The following CLPTM1 variants were observed in gnomAD, a reference collection of about 807,000 sequenced individuals.
The protein encoded by CLPTM1 is CLPTM1 regulator of GABA type A receptor forward trafficking.
A neutral mutation model predicts 77.3 loss-of-function variants in CLPTM1; 21 were observed. The ratio of observed to expected loss-of-function variants is 0.27; its 90% CI spans 0.19 to 0.39. The LOEUF (loss-of-function observed/expected upper bound fraction) is 0.39, where lower values mean the gene tolerates loss of function less well. Ranked by LOEUF, CLPTM1 falls within the 10% of genes least tolerant of loss-of-function variation. The pLI is 1.00. For synonymous variants in CLPTM1, 373 were observed against 381.0 expected (o/e 0.98, Z 0.24); for missense variants, 642 against 921.2 (o/e 0.70, Z 3.92).
In CLPTM1 at chr19:44,987,568, A is replaced by G. The variant is rs960720845; in HGVS notation, c.1038+145A>G. The G allele has an allele frequency of 9.5e-6, 11 of 1,152,900 alleles. No homozygotes were observed. In the African/African-American group the frequency reaches 1.4e-4, roughly 14 times the overall value. The allele number at this position is 1,152,900 out of a possible 1,614,324, so 71.4% of individuals were successfully genotyped here. Reference sequence around the variant, plus strand: ...TCACAACCTCCCAGGTCCCTTCTCCACAGTGAAAGGAAGTGGGCACCCAGC... The same window carrying G: ...TCACAACCTCCCAGGTCCCTTCTCCGCAGTGAAAGGAAGTGGGCACCCAGC... On this transcript the variant is annotated intron_variant, in intron 8 of 13. Coordinates refer to ENST00000337392, the MANE Select transcript of CLPTM1 (RefSeq NM_001294.4).
rs140584228 is a variant in CLPTM1 at position 44,992,812 on chromosome 19, C to T, written c.1925C>T (p.Pro642Leu). The change falls in exon 14 of 14, where the codon CCC becomes CTC. Residue 642 changes from proline to leucine, a missense_variant. Physicochemically the swap from Pro to Leu is moderately conservative, Grantham distance 98. This residue lies in a region of CLPTM1 where 521 missense variants were observed against 800.4 expected (regional missense o/e 0.65). Transcript: ENST00000337392. The surrounding 1 kb of genome is among the most constrained non-coding windows in gnomAD (Gnocchi z 7.7). ...ATREEASTSLPTKPTQGASSA... is the reference protein window; with the variant it reads ...ATREEASTSLLTKPTQGASSA... ...AGGGAGGAGGCCTCCACGTCCCTGCCCACCAAGCCCACCCAGGGGGCCAGC... is the reference window on the plus strand; with the variant it reads ...AGGGAGGAGGCCTCCACGTCCCTGCTCACCAAGCCCACCCAGGGGGCCAGC... The T allele has an allele frequency of 6.2e-7, 1 of 1,613,598 alleles. No homozygotes were observed. The highest frequency in any genetic ancestry group is 8.5e-7 in the Non-Finnish European group (1 of 1,179,888).
chr19:44,958,710 T>C (rs1970500237), intron 1 of CLPTM1, among the ~76,000 whole-genome samples: 1 of 152,198 alleles, frequency 6.6e-6, no homozygotes, highest in Non-Finnish European at 1.5e-5. Context: ...TCACCTGTTC[T>C]TAGGATAGAG....
intron 5 of CLPTM1, among the ~76,000 whole-genome samples, chr19:44,980,523 A>AG (rs1014909845): frequency 3.3e-5 from 5 of 150,470 alleles, no homozygotes; most frequent in Non-Finnish European, 5.9e-5. Context: ...AAAAAAAAAA[A>AG]AAAAGAAAAG....
Position 44,993,318 on chromosome 19 carries a change from A to G in CLPTM1, c.*421A>G. The G allele has an allele frequency of 2.6e-6, 1 of 378,318 alleles. No homozygotes were observed. Among genetic ancestry groups the G allele is most frequent in the Non-Finnish European group, 5.2e-6 (1 of 192,802 alleles). The allele number at this position is 378,318 out of a possible 1,614,324, so 23.4% of individuals were successfully genotyped here. ...AACACAGTCTGGATTTAATAAATTC[A>G]TATGGGTGTTTAACTTAAACTCAGC... On this transcript the variant is annotated 3_prime_UTR_variant, in exon 14 of 14. Coordinates refer to ENST00000337392, the MANE Select transcript of CLPTM1 (RefSeq NM_001294.4).
rs919066245 is a variant in CLPTM1 at position 44,993,051 on chromosome 19, G to T, written c.*154G>T. The T allele has an allele frequency of 4.4e-6, 4 of 907,508 alleles. No individual in the cohort carries two copies. In the African/African-American group the frequency reaches 6.5e-5, roughly 15 times the overall value. 56.2% of individuals were successfully genotyped at this position (907,508 alleles called of 1,614,324 possible). On this transcript the variant is annotated 3_prime_UTR_variant, in exon 14 of 14. Coordinates refer to ENST00000337392, the MANE Select transcript of CLPTM1 (RefSeq NM_001294.4). The stretch of plus-strand genomic sequence containing the variant: ...GTCAGGGCCCAGCGTGTGATGTAGG[G>T]GCCGGGGCAGGCCAGGGTTTGTTTG...
chr19:44,991,396 G>A lies in CLPTM1; in HGVS notation c.1555+23G>A. On this transcript the variant is annotated intron_variant, in intron 12 of 13. Transcript: ENST00000337392. The surrounding 1 kb of genome is among the most constrained non-coding windows in gnomAD (Gnocchi z 5.4). Reference sequence around the variant, plus strand: ...TCGGTGAGCGGTCCGGCCGCCCCAGGAGAGAGCAGGCCCCATGCTGCGCAG... The same window carrying A: ...TCGGTGAGCGGTCCGGCCGCCCCAGAAGAGAGCAGGCCCCATGCTGCGCAG... The A allele has an allele frequency of 3.1e-6, 5 of 1,606,446 alleles. No individual in the cohort carries two copies. Among genetic ancestry groups the A allele is most frequent in the Non-Finnish European group, 3.4e-6 (4 of 1,179,416 alleles).
At chr19:44,963,711 C>T (rs187838604) in intron 2 of CLPTM1, among the ~76,000 whole-genome samples, 1 of 152,224 alleles carries the variant, frequency 6.6e-6, no homozygotes, top group Non-Finnish European at 1.5e-5. Flanking sequence ...CCTCCACCTC[C>T]TGGGTTCAAG....
intron 6 of CLPTM1, among the ~76,000 whole-genome samples, chr19:44,985,580 CTT>C (rs1258555017): frequency 6.6e-6 from 1 of 152,196 alleles, no homozygotes; most frequent in Non-Finnish European, 1.5e-5. Context: ...CATGAGGACA[CTT>C]GCTCAGTCTC....
At chr19:44,978,610 G>A (rs1970843165) in intron 5 of CLPTM1, among the ~76,000 whole-genome samples, 1 of 151,978 alleles carries the variant, frequency 6.6e-6, no homozygotes, top group African/African-American at 2.4e-5. Context: ...TCCAGCCTGG[G>A]CGACAGAGCA....
chr19:44,992,899 C>T lies in CLPTM1; in HGVS notation c.*2C>T, dbSNP rs142781950. 105 of 1,612,772 alleles carry T rather than the reference C, an allele frequency of 6.5e-5. No individual in the cohort carries two copies. Among genetic ancestry groups the T allele is most frequent in the Middle Eastern group, 5.0e-4 (3 of 6,060 alleles). On this transcript the variant is annotated 3_prime_UTR_variant, in exon 14 of 14. Coordinates refer to ENST00000337392, the MANE Select transcript of CLPTM1 (RefSeq NM_001294.4). This position sits in a 1 kb window ranked among gnomAD's most constrained non-coding sequence, Gnocchi z 7.7. ...GCAGAGGACAAGAAAAAGGATTAGT[C>T]GAGACTGGTCCTCACCTGCTCCGGC...
chr19:44,967,007 A>G (rs958876389), intron 2 of CLPTM1, among the ~76,000 whole-genome samples: 1 of 152,068 alleles, frequency 6.6e-6, no homozygotes, highest in Non-Finnish European at 1.5e-5. Context: ...GCGCCCGGCT[A>G]ATTTTTTGTA....
chr19:44,975,211 C>T (rs946141269), intron 4 of CLPTM1, among the ~76,000 whole-genome samples: 1 of 152,208 alleles, frequency 6.6e-6, no homozygotes, highest in African/African-American at 2.4e-5. Context: ...GGTTAAGCAC[C>T]CTCTCTGGGT....
chr19:44,962,509 C>T (rs1970560140), intron 2 of CLPTM1, among the ~76,000 whole-genome samples: 2 of 152,160 alleles, frequency 1.3e-5, no homozygotes, highest in Non-Finnish European at 2.9e-5. Flanking sequence ...AGAAGGCCGT[C>T]TTCTCCCTGT....
chr19:44,957,415 G>C (rs1407277378), intron 1 of CLPTM1, among the ~76,000 whole-genome samples: 1 of 152,242 alleles, frequency 6.6e-6, no homozygotes, highest in African/African-American at 2.4e-5. Flanking sequence ...GCACCACTCA[G>C]CTCAGCGCCA....
intron 2 of CLPTM1, among the ~76,000 whole-genome samples, chr19:44,972,605 G>A (rs1057162641): frequency 5.9e-5 from 9 of 152,058 alleles, no homozygotes; most frequent in African/African-American, 9.7e-5. Context: ...CTTTTGAAGC[G>A]CTAGGATTCC....
chr19:44,959,737 A>G (rs1187654074), intron 1 of CLPTM1, among the ~76,000 whole-genome samples: 1 of 152,166 alleles, frequency 6.6e-6, no homozygotes, highest in African/African-American at 2.4e-5. Context: ...GACTTGTTCA[A>G]TAACTGCCAT....
At chr19:44,960,629 A>G (rs116640957) in intron 1 of CLPTM1, among the ~76,000 whole-genome samples, 1,929 of 152,290 alleles carry the variant, frequency 0.013, 37 homozygotes, top group African/African-American at 0.044. Context: ...CCCTCTAACC[A>G]TGCTCCTGGG....
chr19:44,963,452 A>G (rs1443074830), intron 2 of CLPTM1, among the ~76,000 whole-genome samples: 1 of 149,304 alleles, frequency 6.7e-6, no homozygotes, highest in South Asian at 2.1e-4. Context: ...CAGCCTCCCG[A>G]GTAGCTGGGA....
At chr19:44,964,628 AGTAT>A (rs1309610717) in intron 2 of CLPTM1, among the ~76,000 whole-genome samples, 2 of 152,208 alleles carry the variant, frequency 1.3e-5, no homozygotes, top group East Asian at 1.9e-4. Flanking sequence ...ACCATTTTTA[AGTAT>A]GTAGTCCTGT....
Sources: gnomAD v4.1 joint callset for allele counts (sites outside exome capture counted in the v4.1 genomes callset) on GRCh38, gnomAD v4.1.1 for gene constraint, gnomAD v4.1.1 regional missense constraint, Gnocchi (gnomAD v3.1) non-coding constraint, MANE v1.5 for transcripts, NCBI Gene and HGNC (gene_info 2026-07-23, HGNC 2026-07-21) for gene names.